Variants in THRAP3 observed in about 807,000 individuals in gnomAD.
The protein encoded by THRAP3 is thyroid hormone receptor associated protein 3.
THRAP3 carries 16 observed loss-of-function variants against 101.0 expected under a neutral mutation model. The observed-to-expected ratio is 0.16, with a 90% CI of 0.11 to 0.24. The LOEUF is 0.24. Among genes scored for constraint, THRAP3 ranks in the 10% least tolerant of loss-of-function variants. THRAP3 has a pLI of 1.00. For missense variants in THRAP3, 989 were observed against 1,202.7 expected (o/e 0.82, Z 2.63); for synonymous variants, 407 against 422.6 (o/e 0.96, Z 0.45).
intron 1 of THRAP3, among the ~76,000 whole-genome samples, chr1:36,249,224 C>T (rs1440713100): frequency 2.1e-5 from 3 of 140,136 alleles, no homozygotes; most frequent in Admixed American, 7.4e-5. Context: ...GATGGAGTCT[C>T]GCTCTCGCCC....
intron 2 of THRAP3, among the ~76,000 whole-genome samples, chr1:36,276,880 AG>A (rs1645667893): frequency 6.6e-6 from 1 of 152,206 alleles, no homozygotes; most frequent in African/African-American, 2.4e-5. Flanking sequence ...AAAGAAAAAA[AG>A]TGAAAAGAAA....
At position 36,305,152 on chromosome 1, in the gene THRAP3, CAT is replaced by C. The variant is rs1646086108; in HGVS notation, c.*1138_*1139del. ...GCAGGTGAATCATAAGGCATTTATG[CAT>C]ATGTTATATGCGGACTGCACCCACC... On this transcript the variant is annotated 3_prime_UTR_variant, in exon 12 of 12. Transcript: ENST00000354618. The C allele has an allele frequency of 4.5e-6, 1 of 220,140 alleles. No individual in the cohort carries two copies. The highest frequency in any genetic ancestry group is 2.2e-5 in the African/African-American group (1 of 44,538). The allele number at this position is 220,140 out of a possible 1,614,324, so 13.6% of individuals were successfully genotyped here.
chr1:36,214,152 C>T, the THRAP3 span, among the ~76,000 whole-genome samples: 1 of 152,236 alleles, frequency 6.6e-6, no homozygotes, highest in South Asian at 2.1e-4. Context: ...TAGCCAACTG[C>T]TGGGTTCTAG....
chr1:36,263,220 C>T (rs903944702), intron 2 of THRAP3, among the ~76,000 whole-genome samples: 17 of 152,074 alleles, frequency 1.1e-4, no homozygotes, highest in African/African-American at 3.9e-4. Flanking sequence ...CTGCTTCGGC[C>T]TCCTGAGTAG....
At chr1:36,213,788 A>G in the THRAP3 span, among the ~76,000 whole-genome samples, 1 of 151,718 alleles carries the variant, frequency 6.6e-6, no homozygotes, top group Admixed American at 6.6e-5. Flanking sequence ...TGGAAGTTGC[A>G]GTGAGCTGAG....
chr1:36,279,008 C>T (rs183412020), intron 2 of THRAP3, among the ~76,000 whole-genome samples: 232 of 151,914 alleles, frequency 1.5e-3, no homozygotes, highest in African/African-American at 5.3e-3. Context: ...GAGGAGGCTC[C>T]GGGAATGGGA....
the THRAP3 span, among the ~76,000 whole-genome samples, chr1:36,213,890 A>G: frequency 2.5e-4 from 36 of 145,304 alleles, no homozygotes; most frequent in African/African-American, 9.0e-4. Context: ...GGAAAGAAGG[A>G]AAGAAAGAAA....
At chr1:36,278,389 G>A (rs1305251761) in intron 2 of THRAP3, among the ~76,000 whole-genome samples, 3 of 152,062 alleles carry the variant, frequency 2.0e-5, no homozygotes, top group Non-Finnish European at 4.4e-5. Context: ...GACCGTAAAT[G>A]TAAGGATAAA....
intron 4 of THRAP3, chr1:36,288,175 A>G (rs1570331126): frequency 2.1e-6 from 2 of 957,620 alleles, no homozygotes; most frequent in African/African-American, 1.8e-5. Flanking sequence ...TTATTTCAAT[A>G]GGTTTTTGGG....
intron 5 of THRAP3, among the ~76,000 whole-genome samples, chr1:36,291,035 GTC>G (rs1160657797): frequency 6.6e-6 from 1 of 152,200 alleles, no homozygotes; most frequent in East Asian, 1.9e-4. Flanking sequence ...TGATGCTCCT[GTC>G]TCTGCCTCCC....
At chr1:36,237,189 C>T (rs998122079) in intron 1 of THRAP3, among the ~76,000 whole-genome samples, 1 of 151,812 alleles carries the variant, frequency 6.6e-6, no homozygotes. Flanking sequence ...AGGTAGGGGC[C>T]GGGCATGGTG....
the THRAP3 span, among the ~76,000 whole-genome samples, chr1:36,207,866 C>T: frequency 2.0e-5 from 3 of 152,124 alleles, no homozygotes; most frequent in Admixed American, 2.0e-4. Context: ...GATCTTGGCT[C>T]ACTGCAACCT....
chr1:36,257,966 G>A (rs892967874), intron 1 of THRAP3, among the ~76,000 whole-genome samples: 17 of 152,060 alleles, frequency 1.1e-4, no homozygotes, highest in African/African-American at 3.4e-4. Flanking sequence ...TCAGCCTCCC[G>A]AATAGCTGGG....
chr1:36,249,877 T>TAG (rs1645278409), intron 1 of THRAP3, among the ~76,000 whole-genome samples: 1 of 151,944 alleles, frequency 6.6e-6, no homozygotes, highest in Admixed American at 6.6e-5. Context: ...GTGGAGCGAG[T>TAG]AGAGCAGGAT....
In THRAP3 at chr1:36,257,433, G is replaced by A. The variant is rs76649383; in HGVS notation, c.-134-1949G>A. On this transcript the variant is annotated intron_variant, in intron 1 of 11. Transcript: ENST00000354618. ...TGAATAAGTGGACAATTAGTAATGT[G>A]TAGAAGGGAAGAGGGTCTATTGTGG... Among the ~76,000 whole-genome samples, 288 of 152,310 alleles carry A rather than the reference G, an allele frequency of 1.9e-3. 1 individual carries two copies. Among genetic ancestry groups the A allele is most frequent in the African/African-American group, 6.7e-3 (279 of 41,566 alleles).
At chr1:36,210,652 T>C in the THRAP3 span, among the ~76,000 whole-genome samples, 1 of 74,316 alleles carries the variant, frequency 1.3e-5, no homozygotes, top group Non-Finnish European at 2.8e-5. Flanking sequence ...ATTGCTCCAC[T>C]GCACTCTAGC....
At chr1:36,272,786 G>A (rs1420954204) in intron 2 of THRAP3, among the ~76,000 whole-genome samples, 1 of 152,128 alleles carries the variant, frequency 6.6e-6, no homozygotes, top group Non-Finnish European at 1.5e-5. Context: ...GTGAAGTTTT[G>A]TTCAAACGTG....
chr1:36,297,082 A>C (rs1027005305), intron 9 of THRAP3, among the ~76,000 whole-genome samples: 7 of 152,216 alleles, frequency 4.6e-5, no homozygotes, highest in African/African-American at 1.4e-4. Flanking sequence ...TACCTTTTTC[A>C]TCACACATTT....
At chr1:36,238,713 T>G (rs1645119984) in intron 1 of THRAP3, among the ~76,000 whole-genome samples, 1 of 152,136 alleles carries the variant, frequency 6.6e-6, no homozygotes, top group South Asian at 2.1e-4. Flanking sequence ...TTGTTTTGTT[T>G]CGTTTTTTTG....
Sources: allele counts gnomAD v4.1 joint callset (sites outside exome capture counted in the v4.1 genomes callset), GRCh38; gene constraint gnomAD v4.1.1; transcripts MANE v1.5; gene names NCBI Gene and HGNC (gene_info 2026-07-23, HGNC 2026-07-21).